RASSF5: variants seen among roughly 807,000 people sequenced by gnomAD.
RASSF5 encodes Ras association domain family member 5.
A neutral mutation model predicts 40.5 loss-of-function variants in RASSF5; 25 were observed. That is an observed-to-expected ratio of 0.62 (90% CI 0.45 to 0.86). The LOEUF (loss-of-function observed/expected upper bound fraction) is 0.86. RASSF5 is among the 40% of genes least tolerant of loss of function. The probability of loss-of-function intolerance (pLI) is 0.00; values close to 1 mark genes in which losing one functional copy is unlikely to be tolerated. For synonymous variants in RASSF5, 246 were observed against 252.4 expected, an observed-to-expected ratio of 0.97 and a Z score of 0.24; for missense variants, 521 against 572.8, an observed-to-expected ratio of 0.91 and a Z score of 0.92.
intron 2 of RASSF5, among the ~76,000 whole-genome samples, chr1:206,561,840 G>GTTTT (rs35815148): frequency 7.7e-5 from 11 of 143,784 alleles, no homozygotes; most frequent in South Asian, 2.2e-4. Flanking sequence ...TAAGTTTTGT[G>GTTTT]TTTTTTTTTT....
At chr1:206,581,595 G>GA (rs1195121775) in intron 2 of RASSF5, among the ~76,000 whole-genome samples, 1 of 146,916 alleles carries the variant, frequency 6.8e-6, no homozygotes, top group African/African-American at 2.7e-5. Flanking sequence ...GGAGACGAAA[G>GA]AAAAGAAAGA....
At chr1:206,582,300 G>C (rs1668921822) in intron 2 of RASSF5, among the ~76,000 whole-genome samples, 1 of 152,174 alleles carries the variant, frequency 6.6e-6, no homozygotes, top group South Asian at 2.1e-4. Context: ...CTTCCCAGGG[G>C]GTGGGAGGAG....
In RASSF5 at chr1:206,584,637, A is replaced by G. The variant is rs1669031741; in HGVS notation, c.941A>G (p.Asn314Ser). ...GLLKKFMVVD[N>S]PQKFALFKRI... Reference sequence around the variant, plus strand: ...CTCAAGAAGTTCATGGTTGTGGACAATCCCCAGAAGTTTGCACTTTTTAAG... The same window carrying G: ...CTCAAGAAGTTCATGGTTGTGGACAGTCCCCAGAAGTTTGCACTTTTTAAG... The change falls in exon 4 of 6, where the codon AAT becomes AGT. Residue 314 changes from asparagine (N) to serine (S), a missense_variant. By Grantham distance (46) the Asn-to-Ser change is conservative (BLOSUM62 1). Transcript: ENST00000579436. This position sits in a 1 kb window ranked among gnomAD's most constrained non-coding sequence, Gnocchi z 4.9. The G allele has an allele frequency of 6.2e-7, 1 of 1,614,222 alleles. No individual in the cohort carries two copies. Among genetic ancestry groups the G allele is most frequent in the Non-Finnish European group, 8.5e-7 (1 of 1,180,046 alleles).
intron 2 of RASSF5, among the ~76,000 whole-genome samples, chr1:206,566,954 G>A (rs1668306084): frequency 6.6e-6 from 1 of 152,188 alleles, no homozygotes; most frequent in Admixed American, 6.5e-5. Flanking sequence ...GGGGACATGA[G>A]CAAGTACTTT....
chr1:206,586,762 C>A, intron 5 of RASSF5, 64 bp from the exon 6 acceptor site: 3 of 1,279,242 alleles, frequency 2.3e-6, no homozygotes, highest in South Asian at 1.3e-5. Context: ...TCTCTCAGGT[C>A]GTGTCAACTT....
At chr1:206,539,458 C>T (rs1667493886) in intron 2 of RASSF5, among the ~76,000 whole-genome samples, 2 of 152,178 alleles carry the variant, frequency 1.3e-5, no homozygotes, top group Admixed American at 6.5e-5. Context: ...GTTCAAATGC[C>T]TAATTCACCA....
intron 1 of RASSF5, among the ~76,000 whole-genome samples, chr1:206,536,413 C>T (rs879981899): frequency 6.6e-6 from 1 of 152,042 alleles, no homozygotes; most frequent in Non-Finnish European, 1.5e-5. Context: ...GTAGGAAGGT[C>T]GTGCGGTTCT....
intron 2 of RASSF5, among the ~76,000 whole-genome samples, chr1:206,564,714 C>A (rs1451365408): frequency 6.6e-6 from 1 of 152,116 alleles, no homozygotes; most frequent in Non-Finnish European, 1.5e-5. Context: ...CCTGCAGGTC[C>A]TTGGTTTCTT....
intron 2 of RASSF5, among the ~76,000 whole-genome samples, chr1:206,578,887 GT>G (rs774267829): frequency 9.9e-5 from 15 of 152,186 alleles, no homozygotes; most frequent in Non-Finnish European, 1.9e-4. Flanking sequence ...CAGAAGTAGG[GT>G]TTTGTTGCTG....
At chr1:206,577,958 C>A (rs1024066716) in intron 2 of RASSF5, among the ~76,000 whole-genome samples, 2 of 152,100 alleles carry the variant, frequency 1.3e-5, no homozygotes, top group Non-Finnish European at 2.9e-5. Context: ...CGCGGTGGGT[C>A]ACACCTGTAA....
intron 1 of RASSF5, among the ~76,000 whole-genome samples, chr1:206,522,921 T>G (rs1666944809): frequency 6.6e-6 from 1 of 152,176 alleles, no homozygotes; most frequent in South Asian, 2.1e-4. Flanking sequence ...TAGATTCATT[T>G]AAAAGTAAAG....
chr1:206,569,183 C>T (rs1553403831), intron 2 of RASSF5, among the ~76,000 whole-genome samples: 4 of 152,254 alleles, frequency 2.6e-5, no homozygotes, highest in East Asian at 1.9e-4. Context: ...ATTTATTTAA[C>T]GTGTATTCGC....
intron 1 of RASSF5, 56 bp downstream of exon 1, chr1:206,508,115 G>A (rs911219851): frequency 9.7e-5 from 122 of 1,263,690 alleles, no homozygotes; most frequent in Non-Finnish European, 1.2e-4. Flanking sequence ...GGGGGCGAAG[G>A]ACTGGGAGGG....
At position 206,584,810 on chromosome 1, in the gene RASSF5, C is replaced by G; in HGVS notation, c.988+126C>G. On this transcript the variant is annotated intron_variant, in intron 4 of 5. Coordinates refer to ENST00000579436, the MANE Select transcript of RASSF5 (RefSeq NM_182663.4). This position sits in a 1 kb window ranked among gnomAD's most constrained non-coding sequence, Gnocchi z 4.9. ...CTCCTGAGCACCAGGGGTCCAGCTG[C>G]CCATGTGGTGTTCAGATCTGTGGAA... 2 of 988,806 alleles carry G rather than the reference C, an allele frequency of 2.0e-6. No homozygotes were observed. The highest frequency in any genetic ancestry group is 3.0e-6 in the Non-Finnish European group (2 of 661,594). The allele number at this position is 988,806 out of a possible 1,614,324, so 61.3% of individuals were successfully genotyped here. A position where few individuals can be genotyped will look rare whatever the true frequency, so the allele number is the denominator to read the frequency against.
At chr1:206,554,724 C>A (rs1667937597) in intron 2 of RASSF5, among the ~76,000 whole-genome samples, 1 of 152,178 alleles carries the variant, frequency 6.6e-6, no homozygotes, top group Admixed American at 6.5e-5. Flanking sequence ...TCAGACAGGG[C>A]CATTAGATGC....
chr1:206,529,765 CAAAAA>C (rs34769485), intron 1 of RASSF5: 1 of 386,424 alleles, frequency 2.6e-6, no homozygotes, highest in Non-Finnish European at 4.8e-6. Context: ...ATTTTTCCTT[CAAAAA>C]AAAAATTAAC....
intron 1 of RASSF5, among the ~76,000 whole-genome samples, chr1:206,519,562 C>T (rs1015187619): frequency 1.3e-5 from 2 of 152,148 alleles, no homozygotes; most frequent in Non-Finnish European, 2.9e-5. Flanking sequence ...ACCTGCTTCT[C>T]TTTAACGGTT....
intron 2 of RASSF5, among the ~76,000 whole-genome samples, chr1:206,556,026 C>G (rs1244414624): frequency 1.3e-5 from 2 of 152,168 alleles, no homozygotes; most frequent in Non-Finnish European, 2.9e-5. Flanking sequence ...GGAGAGAGAC[C>G]TGATAACCCC....
intron 1 of RASSF5, among the ~76,000 whole-genome samples, chr1:206,532,283 C>T (rs1462973519): frequency 6.6e-6 from 1 of 152,160 alleles, no homozygotes; most frequent in Non-Finnish European, 1.5e-5. Flanking sequence ...GGAACCTCCA[C>T]CTTCCAGGGC....
Sources: gnomAD v4.1 joint callset for allele counts (sites outside exome capture counted in the v4.1 genomes callset) on GRCh38, gnomAD v4.1.1 for gene constraint, Gnocchi (gnomAD v3.1) non-coding constraint, MANE v1.5 for transcripts, NCBI Gene and HGNC (gene_info 2026-07-23, HGNC 2026-07-21) for gene names.